Variants in COG4 observed in about 807,000 individuals in gnomAD.
The protein encoded by COG4 is conserved oligomeric Golgi complex subunit 4.
A neutral mutation model predicts 95.1 loss-of-function variants in COG4; 65 were observed. The ratio of observed to expected loss-of-function variants is 0.68; its 90% CI spans 0.56 to 0.84. COG4 has a LOEUF of 0.84. Ranked by LOEUF, COG4 falls within the 40% of genes least tolerant of loss-of-function variation. The pLI is 0.00. For synonymous variants in COG4, 421 were observed against 374.8 expected (o/e 1.12, Z -1.42); for missense variants, 1,045 against 989.1 (o/e 1.06, Z -0.76).
chr16:70,497,578 T>A (rs1230382461), intron 10 of COG4, among the ~76,000 whole-genome samples, 191 bp from the exon 11 acceptor site: 1 of 152,164 alleles, frequency 6.6e-6, no homozygotes, highest in Non-Finnish European at 1.5e-5. Context: ...AATTAAATAT[T>A]TCGGGCCTTA....
At chr16:70,509,066 C>T in intron 7 of COG4, 165 bp downstream of exon 7, 3 of 843,870 alleles carry the variant, frequency 3.6e-6, no homozygotes, top group Non-Finnish European at 1.9e-6. Context: ...ACCTCAAGTC[C>T]AAAGTAAGCT....
chr16:70,488,856 ACT>A (rs983779956), intron 13 of COG4, among the ~76,000 whole-genome samples: 3 of 152,038 alleles, frequency 2.0e-5, no homozygotes, highest in African/African-American at 4.8e-5. Flanking sequence ...CGGCCCAGCT[ACT>A]GTTATTTTTA....
intron 14 of COG4, 23 bp from the exon 15 acceptor site, chr16:70,482,844 CAT>C (rs1457359429): frequency 6.9e-6 from 11 of 1,592,866 alleles, no homozygotes; most frequent in South Asian, 3.3e-5. Flanking sequence ...AAGGTGGAGA[CAT>C]GTGACACAGA....
Position 70,496,232 on chromosome 16 carries a change from A to C in COG4, c.1647+34T>G, listed in dbSNP as rs2049336186. 2 of 1,613,718 alleles carry C rather than the reference A, an allele frequency of 1.2e-6. 1 individual carries two copies. Among genetic ancestry groups the C allele is most frequent in the South Asian group, 2.2e-5 (2 of 91,046 alleles). Reference sequence around the variant, plus strand: ...AGTGATAGCGTAACCTCTCGAGATAAACCAACCCAGCTCGTGAGCTGTGGG... The same window carrying C: ...AGTGATAGCGTAACCTCTCGAGATACACCAACCCAGCTCGTGAGCTGTGGG... On this transcript the variant is annotated intron_variant, in intron 12 of 18. Transcript: ENST00000323786.
chr16:70,484,825 A>G (rs1443648511), intron 13 of COG4, among the ~76,000 whole-genome samples: 2 of 152,130 alleles, frequency 1.3e-5, no homozygotes, highest in African/African-American at 4.8e-5. Flanking sequence ...CTTGAGCCCA[A>G]GGGTTCAAGG....
At chr16:70,521,699 A>AT (rs566000095) in intron 1 of COG4, among the ~76,000 whole-genome samples, 1,607 of 133,854 alleles carry the variant, frequency 0.012, 18 homozygotes, top group Non-Finnish European at 0.016. Context: ...AAGATACTAA[A>AT]TTTTTTTTTT....
intron 8 of COG4, among the ~76,000 whole-genome samples, chr16:70,507,540 C>T (rs1052077426): frequency 1.2e-4 from 18 of 151,928 alleles, no homozygotes; most frequent in African/African-American, 3.6e-4. Flanking sequence ...CAATGGAAAT[C>T]GTCTAATGAT....
chr16:70,499,668 T>G (rs2049408000), intron 9 of COG4, among the ~76,000 whole-genome samples: 1 of 152,298 alleles, frequency 6.6e-6, no homozygotes, highest in South Asian at 2.1e-4. Context: ...TTAAACAATT[T>G]ATTTATTTTT....
Position 70,515,743 on chromosome 16 carries a change from T to C in COG4, c.370-1234A>G, listed in dbSNP as rs942446213. 103 of 257,990 alleles carry C rather than the reference T, an allele frequency of 4.0e-4. 1 individual carries two copies. The highest frequency in any genetic ancestry group is 3.2e-4 in the East Asian group (3 of 9,396). The allele number at this position is 257,990 out of a possible 1,614,324, so 16.0% of individuals were successfully genotyped here. A position where few individuals can be genotyped will look rare whatever the true frequency, so the allele number is the denominator to read the frequency against. On this transcript the variant is annotated intron_variant, in intron 3 of 18. Coordinates refer to ENST00000323786, the MANE Select transcript of COG4 (RefSeq NM_015386.3). The stretch of plus-strand genomic sequence containing the variant: ...AACATGCTTGCTTGTTCTAGAGACA[T>C]AGTAAGAGAAGACACCCTTGTCTTG...
Position 70,508,814 on chromosome 16 carries a change from A to G in COG4, c.1003-350T>C, listed in dbSNP as rs370188687. The G allele has an allele frequency of 8.7e-5, 48 of 551,738 alleles. 1 individual carries two copies. The Middle Eastern group carries it at 1.7e-3, about 19-fold the overall frequency. 34.2% of individuals were successfully genotyped at this position (551,738 alleles called of 1,614,324 possible). ...TACTTTCTCTGCTCAAAAGAAGGAA[A>G]AAACAAAGTTCTGAAAAAGCAAACG... On this transcript the variant is annotated intron_variant, in intron 7 of 18. Transcript: ENST00000323786.
chr16:70,509,239 GGT>G lies in COG4; in HGVS notation c.992_993del (p.Tyr331SerfsTer31). On this transcript the variant is annotated frameshift_variant, in exon 7 of 19. Transcript: ENST00000323786. LOFTEE classifies it high-confidence loss of function. ...TAGCTTCCCCTGCTCACCTGCTGGT[GGT>G]AGTCCCTTTGCTTGATGAACTTGTC... ...VVDKFIKQRD[Y>X]HQQFRHVQNN... The G allele has an allele frequency of 6.2e-7, 1 of 1,614,120 alleles. No homozygotes were observed. Among genetic ancestry groups the G allele is most frequent in the South Asian group, 1.1e-5 (1 of 91,076 alleles).
At position 70,481,391 on chromosome 16, in the gene COG4, A is replaced by G. The variant is rs1277150264; in HGVS notation, c.2203T>C (p.Ser735Pro). The G allele has an allele frequency of 1.2e-6, 2 of 1,613,114 alleles. No individual in the cohort carries two copies. The highest frequency in any genetic ancestry group is 1.7e-6 in the Non-Finnish European group (2 of 1,179,942). Residue 735 changes from serine to proline, a missense_variant, in exon 18 of 19, where the codon TCC becomes CCC. By Grantham distance (74) the Ser-to-Pro change is moderately conservative. Coordinates refer to ENST00000323786, the MANE Select transcript of COG4 (RefSeq NM_015386.3). ...WTIRDKFARLSQMATILNLER... is the reference protein window; with the variant it reads ...WTIRDKFARLPQMATILNLER... ...AGATTGAGGATGGTGGCCATCTGGGAGAGCCGGGCAAACTTGTCTCGGATG... is the reference window on the plus strand; with the variant it reads ...AGATTGAGGATGGTGGCCATCTGGGGGAGCCGGGCAAACTTGTCTCGGATG...
At position 70,480,676 on chromosome 16, in the gene COG4, C is replaced by A. The variant is rs2048969923; in HGVS notation, c.*334G>T. On this transcript the variant is annotated 3_prime_UTR_variant, in exon 19 of 19. Coordinates refer to ENST00000323786, the MANE Select transcript of COG4 (RefSeq NM_015386.3). ...ATGTACCCAAGTTGTCTAGGACTGG[C>A]AGGGGTAGCTTGTTTGCTGTAGTGT... 2.8e-6 allele frequency: 1 copy of A among 362,126 alleles called. No individual in the cohort carries two copies. The highest frequency in any genetic ancestry group is 5.2e-6 in the Non-Finnish European group (1 of 192,384). The allele number at this position is 362,126 out of a possible 1,614,324, so 22.4% of individuals were successfully genotyped here.
chr16:70,499,723 G>C (rs1427073805), intron 9 of COG4, among the ~76,000 whole-genome samples: 1 of 152,064 alleles, frequency 6.6e-6, no homozygotes, highest in Non-Finnish European at 1.5e-5. Flanking sequence ...GCAGTGGCGC[G>C]ATCTTGGCTC....
chr16:70,519,524 T>C, intron 2 of COG4, 125 bp downstream of exon 2: 1 of 732,800 alleles, frequency 1.4e-6, no homozygotes, highest in Non-Finnish European at 2.4e-6. Context: ...CACTTTATCT[T>C]GAGATAATAC....
intron 11 of COG4, 110 bp from the exon 12 acceptor site, chr16:70,496,541 G>T (rs1245233266): frequency 6.5e-6 from 7 of 1,080,144 alleles, no homozygotes; most frequent in Non-Finnish European, 8.4e-6. Context: ...TCTTTTAGGG[G>T]GAATAACCAG....
rs1487172069 is a variant in COG4 at position 70,512,237 on chromosome 16, A to T, written c.738+2T>A. 2 of 1,613,606 alleles carry T rather than the reference A, an allele frequency of 1.2e-6. No individual in the cohort carries two copies. The highest frequency in any genetic ancestry group is 1.7e-6 in the Non-Finnish European group (2 of 1,179,642). ...ATCCTGCCAAGCAATCAGGGTCCAT[A>T]CCTGCTTGCAAAGGTACTCCGAGAA... On this transcript the variant is annotated splice_donor_variant, in intron 5 of 18. Transcript: ENST00000323786. LOFTEE classifies it high-confidence loss of function.
At chr16:70,522,532 T>C (rs527493541) in intron 1 of COG4, among the ~76,000 whole-genome samples, 1 of 152,176 alleles carries the variant, frequency 6.6e-6, no homozygotes, top group African/African-American at 2.4e-5. Flanking sequence ...TAGTGCAAGT[T>C]TATACTTGAA....
chr16:70,522,549 CA>C (rs1339734281), intron 1 of COG4, among the ~76,000 whole-genome samples: 1 of 152,198 alleles, frequency 6.6e-6, no homozygotes, highest in Non-Finnish European at 1.5e-5. Context: ...TGAAAATACT[CA>C]AAGATATCAA....
Sources: allele counts gnomAD v4.1 joint callset (sites outside exome capture counted in the v4.1 genomes callset), GRCh38; gene constraint gnomAD v4.1.1; transcripts MANE v1.5; gene names NCBI Gene and HGNC (gene_info 2026-07-23, HGNC 2026-07-21).